The following APP variants were observed in gnomAD, a reference collection of about 807,000 sequenced individuals.
APP encodes the protein amyloid beta precursor protein, also known as amyloid-beta precursor protein.
Under a neutral mutation model 101.4 loss-of-function variants are expected in APP, and 31 were observed. The observed-to-expected ratio is 0.31, with a 90% CI of 0.23 to 0.41. The LOEUF (loss-of-function observed/expected upper bound fraction) is 0.41. Among genes scored for constraint, APP ranks in the 10% least tolerant of loss-of-function variants. The probability of loss-of-function intolerance (pLI) is 1.00; values close to 1 mark genes in which losing one functional copy is unlikely to be tolerated. For missense variants in APP, 839 were observed against 1,003.7 expected, an observed-to-expected ratio of 0.84 and a Z score of 2.22; for synonymous variants, 366 against 364.4, an observed-to-expected ratio of 1.00 and a Z score of -0.05.
At chr21:26,105,200 A>G (rs1187209106) in intron 2 of APP, among the ~76,000 whole-genome samples, 4 of 152,172 alleles carry the variant, frequency 2.6e-5, no homozygotes, top group Non-Finnish European at 5.9e-5. Context: ...TTGTTCAATA[A>G]TAAGAAAAAC....
chr21:26,106,032 G>A (rs2830056), intron 2 of APP, among the ~76,000 whole-genome samples: 14,437 of 152,226 alleles, frequency 0.095, 880 homozygotes, highest in Admixed American at 0.15. Flanking sequence ...AAGGGCAGAC[G>A]TGTAACTCAA....
At chr21:25,949,980 T>C (rs2040992154) in intron 13 of APP, among the ~76,000 whole-genome samples, 1 of 152,222 alleles carries the variant, frequency 6.6e-6, no homozygotes, top group Non-Finnish European at 1.5e-5. Context: ...ATCACTGAAT[T>C]TCCGAGTATC....
chr21:26,059,890 CAAAAAAAAAAAAAAAA>C lies in APP; in HGVS notation c.356-6558_356-6543del, dbSNP rs57594630. On this transcript the variant is annotated intron_variant, in intron 3 of 17. Transcript: ENST00000346798. ...TGAGCGAAAGAGCGAGACTCCGTCT[CAAAAAAAAAAAAAAAA>C]AAAAAAAAAAAAAAAAAGAGAGGGT... 1.2e-3 allele frequency among the ~76,000 whole-genome samples: 88 copies of C among 70,664 alleles called. 2 individuals are homozygous for C. Among genetic ancestry groups the C allele is most frequent in the South Asian group, 4.8e-3 (7 of 1,470 alleles). The allele number at this position is 70,664 out of a possible 152,430, so 46.4% of individuals were successfully genotyped here. A position where few individuals can be genotyped will look rare whatever the true frequency, so the allele number is the denominator to read the frequency against.
chr21:26,022,095 A>G, intron 5 of APP, 53 bp from the exon 6 acceptor site: 9 of 1,597,016 alleles, frequency 5.6e-6, no homozygotes, highest in South Asian at 5.5e-5. Context: ...CATTTCAGGG[A>G]AGGAAAAGAA....
At chr21:25,958,455 T>G (rs998237080) in intron 11 of APP, among the ~76,000 whole-genome samples, 1 of 152,140 alleles carries the variant, frequency 6.6e-6, no homozygotes, top group Non-Finnish European at 1.5e-5. Context: ...TTTTTTGTAT[T>G]TTTAGTAGAG....
intron 1 of APP, among the ~76,000 whole-genome samples, chr21:26,142,483 C>T (rs2063067775): frequency 6.6e-6 from 1 of 152,164 alleles, no homozygotes; most frequent in African/African-American, 2.4e-5. Context: ...GACAGTGTCA[C>T]TGGGGCCAGG....
chr21:25,955,844 A>G (rs2041295443), intron 11 of APP, 89 bp from the exon 12 acceptor site: 2 of 1,590,340 alleles, frequency 1.3e-6, no homozygotes, highest in Non-Finnish European at 1.7e-6. Context: ...CCACTAATGC[A>G]TCCGGTCATG....
chr21:25,988,595 G>A (rs1048831147), intron 8 of APP, among the ~76,000 whole-genome samples: 3 of 151,530 alleles, frequency 2.0e-5, no homozygotes, highest in African/African-American at 4.9e-5. Flanking sequence ...CCAGCTACTC[G>A]GGAGGCTGAG....
At chr21:26,047,733 A>G (rs962291839) in intron 5 of APP, among the ~76,000 whole-genome samples, 3 of 152,246 alleles carry the variant, frequency 2.0e-5, no homozygotes, top group African/African-American at 7.2e-5. Flanking sequence ...AAGAGTGATA[A>G]GAAATTTCAA....
chr21:26,066,757 C>T (rs1227990640), intron 3 of APP, among the ~76,000 whole-genome samples: 3 of 152,110 alleles, frequency 2.0e-5, no homozygotes, highest in African/African-American at 7.2e-5. Flanking sequence ...CCCTAAGAGC[C>T]AAGCTGCTCC....
chr21:25,990,140 T>A (rs895381488), intron 8 of APP, among the ~76,000 whole-genome samples: 1 of 152,192 alleles, frequency 6.6e-6, no homozygotes, highest in Non-Finnish European at 1.5e-5. Flanking sequence ...CCCCCTAATA[T>A]GCCCTTGTAT....
chr21:25,925,819 C>T (rs2039870619), intron 13 of APP, among the ~76,000 whole-genome samples: 1 of 152,148 alleles, frequency 6.6e-6, no homozygotes, highest in South Asian at 2.1e-4. Flanking sequence ...GCCTGTAATC[C>T]CCATTATTCA....
At chr21:25,907,687 T>G (rs1039092750) in intron 14 of APP, among the ~76,000 whole-genome samples, 4 of 152,246 alleles carry the variant, frequency 2.6e-5, no homozygotes, top group Non-Finnish European at 5.9e-5. Context: ...TTGAGTCTGT[T>G]ACTTCTGGTA....
intron 5 of APP, among the ~76,000 whole-genome samples, chr21:26,041,946 A>G (rs923612982): frequency 0.015 from 1 of 66 alleles, no homozygotes; most frequent in African/African-American, 0.042. Context: ...CTATTTCAGT[A>G]TAGACAGTCA....
chr21:26,098,773 C>T (rs1220623982), intron 2 of APP, among the ~76,000 whole-genome samples: 1 of 152,158 alleles, frequency 6.6e-6, no homozygotes, highest in Non-Finnish European at 1.5e-5. Context: ...ATTCTTATTT[C>T]TTTTTGAAAA....
intron 1 of APP, among the ~76,000 whole-genome samples, chr21:26,128,614 A>C (rs1254686774): frequency 6.6e-6 from 1 of 152,188 alleles, no homozygotes; most frequent in Non-Finnish European, 1.5e-5. Context: ...AGTGTTCTCA[A>C]AAACAGTTTT....
intron 11 of APP, among the ~76,000 whole-genome samples, chr21:25,960,059 T>G (rs1453085312): frequency 2.0e-5 from 3 of 151,958 alleles, no homozygotes; most frequent in Admixed American, 6.5e-5. Context: ...GTTTTTATTT[T>G]TGTAACCTTT....
rs1023484635 is a variant in APP, at chr21:26,151,040, C to T, written c.57+19524G>A. ...CATGTGTCTGGCTGAATGGACTCCA[C>T]GACCTTACACTAGGTTCTGTAACAG... On this transcript the variant is annotated intron_variant, in intron 1 of 17. Coordinates refer to ENST00000346798, the MANE Select transcript of APP (RefSeq NM_000484.4). Among the ~76,000 whole-genome samples, 67 of 152,282 alleles carry T rather than the reference C, an allele frequency of 4.4e-4. 1 individual carries two copies. Among genetic ancestry groups the T allele is most frequent in the African/African-American group, 1.5e-3 (63 of 41,556 alleles).
At chr21:25,974,274 T>C (rs1655968460) in intron 11 of APP, among the ~76,000 whole-genome samples, 1 of 152,182 alleles carries the variant, frequency 6.6e-6, no homozygotes, top group South Asian at 2.1e-4. Context: ...ATTATTATAC[T>C]TACATGATGA....
Sources: allele counts gnomAD v4.1 joint callset (sites outside exome capture counted in the v4.1 genomes callset), GRCh38; gene constraint gnomAD v4.1.1; transcripts MANE v1.5; gene names NCBI Gene and HGNC (gene_info 2026-07-23, HGNC 2026-07-21).